Variants in TRPM3 observed in about 807,000 individuals in gnomAD.
The protein encoded by TRPM3 is long transient receptor potential channel 3.
A neutral mutation model predicts 181.2 loss-of-function variants in TRPM3; 77 were observed. That is an observed-to-expected ratio of 0.42 (90% confidence interval 0.35 to 0.51). TRPM3 has a LOEUF of 0.51. TRPM3 is among the 20% of genes least tolerant of loss of function. TRPM3 has a pLI of 0.01. For synonymous variants in TRPM3, 745 were observed against 796.4 expected (o/e 0.94, Z 1.09); for missense variants, 1,759 against 2,196.7 (o/e 0.80, Z 3.98).
chr9:71,064,164 G>A (rs1831311), intron 1 of TRPM3, among the ~76,000 whole-genome samples: 6 of 151,844 alleles, frequency 4.0e-5, no homozygotes, highest in Admixed American at 6.6e-5. Flanking sequence ...AATTCTTTTC[G>A]GTAAATCCTT....
chr9:71,315,568 C>CA (rs1406651692), intron 1 of TRPM3, among the ~76,000 whole-genome samples: 1 of 152,130 alleles, frequency 6.6e-6, no homozygotes, highest in Non-Finnish European at 1.5e-5. Flanking sequence ...TTAAGACCAT[C>CA]AAATCCAGCT....
At chr9:71,426,170 A>C (rs1328393429) in intron 1 of TRPM3, among the ~76,000 whole-genome samples, 1 of 152,184 alleles carries the variant, frequency 6.6e-6, no homozygotes, top group Non-Finnish European at 1.5e-5. Flanking sequence ...CGCCTAGGAC[A>C]ATGCCTAACA....
intron 1 of TRPM3, among the ~76,000 whole-genome samples, chr9:71,094,831 GA>G (rs981775500): frequency 6.6e-6 from 1 of 151,690 alleles, no homozygotes; most frequent in Non-Finnish European, 1.5e-5. Flanking sequence ...CATCATTAAA[GA>G]AAAAAAATCC....
At chr9:70,568,763 A>T (rs2051347215) in intron 22 of TRPM3, among the ~76,000 whole-genome samples, 1 of 152,218 alleles carries the variant, frequency 6.6e-6, no homozygotes, top group African/African-American at 2.4e-5. Flanking sequence ...TGTGAAAGCT[A>T]TTTTAAAGGC....
intron 6 of TRPM3, among the ~76,000 whole-genome samples, chr9:70,809,124 T>C (rs2091339410): frequency 1.3e-5 from 2 of 152,156 alleles, no homozygotes; most frequent in Non-Finnish European, 2.9e-5. Flanking sequence ...AAAAAGCTCA[T>C]AGAATAAGCA....
chr9:70,603,111 G>A (rs1207475010), intron 20 of TRPM3, among the ~76,000 whole-genome samples: 1 of 152,150 alleles, frequency 6.6e-6, no homozygotes, highest in East Asian at 1.9e-4. Context: ...CAAAGGCTAC[G>A]TTAGCAGAGA....
chr9:71,346,605 G>C (rs1390355125), intron 1 of TRPM3, among the ~76,000 whole-genome samples: 2 of 152,202 alleles, frequency 1.3e-5, no homozygotes, highest in African/African-American at 4.8e-5. Flanking sequence ...CTTTGGGAAA[G>C]AGGTTCCATT....
chr9:70,638,055 G>A (rs907425250), intron 11 of TRPM3, among the ~76,000 whole-genome samples: 2 of 152,134 alleles, frequency 1.3e-5, no homozygotes, highest in South Asian at 4.1e-4. Context: ...TTTGGGAGGT[G>A]ATTAGGTCCT....
intron 6 of TRPM3, among the ~76,000 whole-genome samples, chr9:70,803,186 G>A (rs1290251001): frequency 1.3e-5 from 2 of 152,010 alleles, no homozygotes; most frequent in African/African-American, 4.8e-5. Flanking sequence ...GGGCAAGAAG[G>A]GACTCGCAGC....
At chr9:71,217,254 G>A (rs2079947679) in intron 1 of TRPM3, among the ~76,000 whole-genome samples, 1 of 152,108 alleles carries the variant, frequency 6.6e-6, no homozygotes, top group South Asian at 2.1e-4. Context: ...CCGGCCCAGT[G>A]GCCCTTTCTT....
chr9:70,616,165 G>A (rs2062744939), intron 17 of TRPM3, 90 bp from the exon 18 acceptor site: 1 of 1,025,520 alleles, frequency 9.8e-7, no homozygotes, highest in Non-Finnish European at 1.4e-6. Context: ...TGAGGTATGG[G>A]GTATAAGAGT....
intron 1 of TRPM3, among the ~76,000 whole-genome samples, chr9:71,196,171 G>A (rs1170263249): frequency 1.8e-5 from 2 of 110,242 alleles, no homozygotes; most frequent in Admixed American, 8.5e-5. Context: ...ACGTATATGT[G>A]TGTGTGTGTG....
intron 1 of TRPM3, among the ~76,000 whole-genome samples, chr9:71,421,314 GTATACCCA>G (rs1202035899): frequency 3.3e-5 from 5 of 151,730 alleles, no homozygotes; most frequent in Middle Eastern, 3.4e-3. Context: ...CCATCAGGCA[GTATACCCA>G]CGTAACAAAC....
At chr9:71,117,527 C>T (rs1010746518) in intron 1 of TRPM3, among the ~76,000 whole-genome samples, 7 of 152,132 alleles carry the variant, frequency 4.6e-5, no homozygotes, top group African/African-American at 1.2e-4. Context: ...TAGCAGGCTT[C>T]GGACACTAGA....
intron 3 of TRPM3, 104 bp downstream of exon 3, chr9:70,862,804 T>G (rs1589345040): frequency 2.7e-6 from 3 of 1,131,562 alleles, no homozygotes; most frequent in Non-Finnish European, 2.6e-6. Context: ...AGTGGCAGAG[T>G]GGAGATTAGG....
At chr9:71,290,747 G>A (rs540048210) in intron 1 of TRPM3, among the ~76,000 whole-genome samples, 7 of 152,162 alleles carry the variant, frequency 4.6e-5, no homozygotes, top group African/African-American at 1.2e-4. Context: ...AGTAATTCAC[G>A]TCAAATCATC....
chr9:71,350,510 A>G (rs949326686), intron 1 of TRPM3, among the ~76,000 whole-genome samples: 4 of 152,220 alleles, frequency 2.6e-5, no homozygotes, highest in Non-Finnish European at 4.4e-5. Context: ...ACTTCCACCT[A>G]AGGCTGTTCC....
intron 18 of TRPM3, among the ~76,000 whole-genome samples, chr9:70,611,623 CG>C (rs755063549): frequency 6.6e-6 from 1 of 152,128 alleles, no homozygotes; most frequent in Non-Finnish European, 1.5e-5. Context: ...CATGTGAAAA[CG>C]GGACTAAAAC....
intron 1 of TRPM3, among the ~76,000 whole-genome samples, chr9:71,438,316 A>G (rs939717190): frequency 6.6e-6 from 1 of 152,214 alleles, no homozygotes; most frequent in Non-Finnish European, 1.5e-5. Context: ...TTCTAACTTA[A>G]TATCTGTGGG....
Sources: gnomAD v4.1 joint callset for allele counts (sites outside exome capture counted in the v4.1 genomes callset) on GRCh38, gnomAD v4.1.1 for gene constraint, MANE v1.5 for transcripts, NCBI Gene and HGNC (gene_info 2026-07-23, HGNC 2026-07-21) for gene names.